COL7A1: variants seen among roughly 807,000 people sequenced by gnomAD.
COL7A1 encodes collagen type VII alpha 1 chain, also known as collagen alpha-1(VII) chain.
A neutral mutation model predicts 456.2 loss-of-function variants in COL7A1; 296 were observed. That is an observed-to-expected ratio of 0.65 (90% CI 0.59 to 0.71). The LOEUF is 0.71. COL7A1 is among the 30% of genes least tolerant of loss of function. The probability of loss-of-function intolerance (pLI) is 0.00; values close to 1 mark genes in which losing one functional copy is unlikely to be tolerated. For synonymous variants in COL7A1, 1,464 were observed against 1,525.9 expected (o/e 0.96, Z 0.95); for missense variants, 3,441 against 4,017.2 (o/e 0.86, Z 3.88).
Position 48,580,853 on chromosome 3 carries a change from C to T in COL7A1, c.4980+29G>A, listed in dbSNP as rs1408839954. 3 of 1,614,076 alleles carry T rather than the reference C, an allele frequency of 1.9e-6. No individual in the cohort carries two copies. In the South Asian group the frequency reaches 3.3e-5, roughly 18 times the overall value. ...CACCTTCATGCCCACCTCCCATCAC[C>T]CCTGTTACTTCTCTCTGCCAAGACT... On this transcript the variant is annotated intron_variant, in intron 54 of 118. Coordinates refer to ENST00000681320, the MANE Select transcript of COL7A1 (RefSeq NM_000094.4). This position sits in a 1 kb window ranked among gnomAD's most constrained non-coding sequence, Gnocchi z 4.5.
In COL7A1 at chr3:48,587,415, C is replaced by G. The variant is rs1182688756; in HGVS notation, c.2992+5G>C. Reference sequence around the variant, plus strand: ...AGCCCACCCAAATCCTGGCCTCCCCCTCACCCTGGCCAGGGCCTCTGAGTG... The same window carrying G: ...AGCCCACCCAAATCCTGGCCTCCCCGTCACCCTGGCCAGGGCCTCTGAGTG... On this transcript the variant is annotated splice_donor_5th_base_variant and intron_variant, in intron 23 of 118. Coordinates refer to ENST00000681320, the MANE Select transcript of COL7A1 (RefSeq NM_000094.4). The surrounding 1 kb of genome is among the most constrained non-coding windows in gnomAD (Gnocchi z 6.1). The G allele has an allele frequency of 3.1e-6, 5 of 1,613,246 alleles. No homozygotes were observed. Among genetic ancestry groups the G allele is most frequent in the Non-Finnish European group, 4.2e-6 (5 of 1,180,020 alleles).
chr3:48,580,169 G>GC lies in COL7A1; in HGVS notation c.5098-113dup, dbSNP rs1375399638. On this transcript the variant is annotated intron_variant, in intron 56 of 118. Coordinates refer to ENST00000681320, the MANE Select transcript of COL7A1 (RefSeq NM_000094.4). This position sits in a 1 kb window ranked among gnomAD's most constrained non-coding sequence, Gnocchi z 4.5. ...AGTTCCCCGAAGCACCCCAATGCCA[G>GC]CCCCCAGCAGGCATGGGTGGCCATC... is the stretch of plus-strand genomic sequence containing the variant. 3.2e-6 allele frequency: 5 copies of GC among 1,539,398 alleles called. No homozygotes were observed. In the Admixed American group the frequency reaches 7.3e-5, roughly 22 times the overall value.
In COL7A1 at chr3:48,568,172, T is replaced by TA; in HGVS notation, c.7795-3dup. The stretch of plus-strand genomic sequence containing the variant: ...CACTCCATCCTTTCCTGGGGATCCC[T>TA]AGCAGGGAGAGGGTCCATGTGAGGT... On this transcript the variant is annotated splice_region_variant and splice_polypyrimidine_tract_variant and intron_variant, in intron 105 of 118. Coordinates refer to ENST00000681320, the MANE Select transcript of COL7A1 (RefSeq NM_000094.4). This position sits in a 1 kb window ranked among gnomAD's most constrained non-coding sequence, Gnocchi z 5.2. The TA allele has an allele frequency of 6.2e-7, 1 of 1,612,946 alleles. No homozygotes were observed. Among genetic ancestry groups the TA allele is most frequent in the Non-Finnish European group, 8.5e-7 (1 of 1,179,990 alleles).
At position 48,593,322 on chromosome 3, in the gene COL7A1, C is replaced by T. The variant is rs772089296; in HGVS notation, c.520+34G>A. On this transcript the variant is annotated intron_variant, in intron 5 of 118. Transcript: ENST00000681320. This position sits in a 1 kb window ranked among gnomAD's most constrained non-coding sequence, Gnocchi z 4.4. ...ACATGCTCTCTGACTGCCCCCACCC[C>T]CCAGCTGACCTGTCACTCCTGCTCG... The T allele has an allele frequency of 2.5e-6, 4 of 1,614,034 alleles. No individual in the cohort carries two copies. The Admixed American group carries it at 5.0e-5, about 20-fold the overall frequency.
In COL7A1 at chr3:48,583,795, G is replaced by C; in HGVS notation, c.4279-15C>G. 2 of 1,613,806 alleles carry C rather than the reference G, an allele frequency of 1.2e-6. No homozygotes were observed. Among genetic ancestry groups the C allele is most frequent in the South Asian group, 2.2e-5 (2 of 91,080 alleles). ...CCGGGAAGACCCTAGGAAGAAGTGAGTAAAAATATGAGCCAAGAACTATGA... is the reference window on the plus strand; with the variant it reads ...CCGGGAAGACCCTAGGAAGAAGTGACTAAAAATATGAGCCAAGAACTATGA... On this transcript the variant is annotated splice_polypyrimidine_tract_variant and intron_variant, in intron 39 of 118. Coordinates refer to ENST00000681320, the MANE Select transcript of COL7A1 (RefSeq NM_000094.4). The surrounding 1 kb of genome is among the most constrained non-coding windows in gnomAD (Gnocchi z 5.1).
chr3:48,564,638 TG>T lies in COL7A1; in HGVS notation c.8818+144del. On this transcript the variant is annotated intron_variant, in intron 118 of 118. Transcript: ENST00000681320. This position sits in a 1 kb window ranked among gnomAD's most constrained non-coding sequence, Gnocchi z 6.0. Reference sequence around the variant, plus strand: ...GGGCTCTATATTCAGCTCTTTGGTCTGGGCGTCTGCCCCAGGTCCCCTACTG... The same window carrying T: ...GGGCTCTATATTCAGCTCTTTGGTCTGGCGTCTGCCCCAGGTCCCCTACTG... 1.8e-6 allele frequency: 2 copies of T among 1,087,400 alleles called. No individual in the cohort carries two copies. The highest frequency in any genetic ancestry group is 2.7e-6 in the Non-Finnish European group (2 of 752,566). The allele number at this position is 1,087,400 out of a possible 1,614,324, so 67.4% of individuals were successfully genotyped here. A position where few individuals can be genotyped will look rare whatever the true frequency, so the allele number is the denominator to read the frequency against.
Position 48,572,997 on chromosome 3 carries a change from C to T in COL7A1, c.6750+24G>A. The T allele has an allele frequency of 6.2e-7, 1 of 1,614,012 alleles. No homozygotes were observed. Among genetic ancestry groups the T allele is most frequent in the Non-Finnish European group, 8.5e-7 (1 of 1,180,016 alleles). On this transcript the variant is annotated intron_variant, in intron 86 of 118. Transcript: ENST00000681320. The surrounding 1 kb of genome is among the most constrained non-coding windows in gnomAD (Gnocchi z 4.6). Reference sequence around the variant, plus strand: ...CTGTCGACCCTTGACCCCTGGAGCCCAACCCTTGACCCCCAGAACTCACCA... The same window carrying T: ...CTGTCGACCCTTGACCCCTGGAGCCTAACCCTTGACCCCCAGAACTCACCA...
At position 48,568,796 on chromosome 3, in the gene COL7A1, G is replaced by A. The variant is rs567022011; in HGVS notation, c.7746C>T (p.Leu2582=). 2.2e-5 allele frequency: 35 copies of A among 1,570,728 alleles called. No individual in the cohort carries two copies. The South Asian group carries it at 4.0e-4, about 18-fold the overall frequency. ...GSAGLPGLRG[L]LGPQGQPGAA... ...GGGCAGAACTTGCCTGGGGTCCCAG[G>A]AGTCCACGCAGTCCTGGCAACCCGG... Residue 2582 remains leucine, a synonymous_variant, in exon 104 of 119, where the codon CTC becomes CTT. Coordinates refer to ENST00000681320, the MANE Select transcript of COL7A1 (RefSeq NM_000094.4). The surrounding 1 kb of genome is among the most constrained non-coding windows in gnomAD (Gnocchi z 5.2).
rs370378194 is a variant in COL7A1, at chr3:48,567,430, G to T, written c.8046+144C>A. 1.6e-5 allele frequency: 19 copies of T among 1,207,420 alleles called. No individual in the cohort carries two copies. In the African/African-American group the frequency reaches 2.8e-4, roughly 18 times the overall value. The allele number at this position is 1,207,420 out of a possible 1,614,324, so 74.8% of individuals were successfully genotyped here. On this transcript the variant is annotated intron_variant, in intron 109 of 118. Coordinates refer to ENST00000681320, the MANE Select transcript of COL7A1 (RefSeq NM_000094.4). The surrounding 1 kb of genome is among the most constrained non-coding windows in gnomAD (Gnocchi z 4.3). ...CTCCACTGTGACCCCAACCCACCTT[G>T]ACACCTCGAGACCAGCCCCACTTCA...
In COL7A1 at chr3:48,586,252, G is replaced by T; in HGVS notation, c.3551-6C>A. 6.2e-7 allele frequency: 1 copy of T among 1,613,688 alleles called. No homozygotes were observed. The stretch of plus-strand genomic sequence containing the variant: ...CAACATCACCACATTAAGCCCTAAG[G>T]TGGGGTCCAGTGGCTGCATGATAGC... On this transcript the variant is annotated splice_region_variant and splice_polypyrimidine_tract_variant and intron_variant, in intron 27 of 118. Coordinates refer to ENST00000681320, the MANE Select transcript of COL7A1 (RefSeq NM_000094.4). The surrounding 1 kb of genome is among the most constrained non-coding windows in gnomAD (Gnocchi z 5.1).
In COL7A1 at chr3:48,572,071, G is replaced by T. The variant is rs765253046; in HGVS notation, c.7024-26C>A. On this transcript the variant is annotated intron_variant, in intron 91 of 118. Coordinates refer to ENST00000681320, the MANE Select transcript of COL7A1 (RefSeq NM_000094.4). The surrounding 1 kb of genome is among the most constrained non-coding windows in gnomAD (Gnocchi z 4.6). ...CTGCACAGAATGGCAGGTGAGGGGT[G>T]TCTGGACTGAGCCTTCTCTGCTCAG... 6.2e-7 allele frequency: 1 copy of T among 1,612,826 alleles called. No homozygotes were observed. The highest frequency in any genetic ancestry group is 1.1e-5 in the South Asian group (1 of 90,872).
At position 48,565,515 on chromosome 3, in the gene COL7A1, G is replaced by A. The variant is rs1341286906; in HGVS notation, c.8441-19C>T. The A allele has an allele frequency of 3.7e-6, 6 of 1,613,636 alleles. No individual in the cohort carries two copies. The highest frequency in any genetic ancestry group is 1.7e-5 in the Admixed American group (1 of 59,964). ...AGGGGTCCTGGAGCCAAGAGCAGGG[G>A]CCTCAGGGCCCTGAAGTCACCATGG... On this transcript the variant is annotated intron_variant, in intron 115 of 118. Coordinates refer to ENST00000681320, the MANE Select transcript of COL7A1 (RefSeq NM_000094.4). This position sits in a 1 kb window ranked among gnomAD's most constrained non-coding sequence, Gnocchi z 4.5.
Position 48,568,015 on chromosome 3 carries a change from T to G in COL7A1, c.7875+75A>C, listed in dbSNP as rs2107636937. 13 of 1,604,380 alleles carry G rather than the reference T, an allele frequency of 8.1e-6. 1 individual carries two copies. The South Asian group carries it at 1.3e-4, about 16-fold the overall frequency. On this transcript the variant is annotated intron_variant, in intron 106 of 118. Transcript: ENST00000681320. This position sits in a 1 kb window ranked among gnomAD's most constrained non-coding sequence, Gnocchi z 5.2. The stretch of plus-strand genomic sequence containing the variant: ...CAACCTCTGACCCAGTGCCCTAATA[T>G]CTGACCCCAGGTCCCTCGCCCTTCA...
chr3:48,593,158 G>T lies in COL7A1; in HGVS notation c.626C>A (p.Pro209His). The T allele has an allele frequency of 6.2e-7, 1 of 1,614,124 alleles. No individual in the cohort carries two copies. Among genetic ancestry groups the T allele is most frequent in the Non-Finnish European group, 8.5e-7 (1 of 1,180,030 alleles). ...CGTGCACACTCTCCGGGAAACGAGG[G>T]GCAGTAGTGTCCTCAAGATGCTGAA... ...NDFSILRTLLPLVSRRVCTTA... is the reference protein window; with the variant it reads ...NDFSILRTLLHLVSRRVCTTA... The change falls in exon 6 of 119, where the codon CCC (proline) becomes CAC (histidine). Residue 209 changes from proline to histidine, a missense_variant. Around this residue, in one of 3 missense-constraint regions of COL7A1, gnomAD observed 913 missense variants for 1,088.2 expected, o/e 0.84. Coordinates refer to ENST00000681320, the MANE Select transcript of COL7A1 (RefSeq NM_000094.4). This position sits in a 1 kb window ranked among gnomAD's most constrained non-coding sequence, Gnocchi z 4.4.
At position 48,571,435 on chromosome 3, in the gene COL7A1, G is replaced by T; in HGVS notation, c.7069-157C>A. ...AATTGGCTCACAGGAGCTCAGACAT[G>T]ACCATGGCCTATCTCAGGACAGCAC... is the stretch of plus-strand genomic sequence containing the variant. On this transcript the variant is annotated intron_variant, in intron 92 of 118. Coordinates refer to ENST00000681320, the MANE Select transcript of COL7A1 (RefSeq NM_000094.4). This position sits in a 1 kb window ranked among gnomAD's most constrained non-coding sequence, Gnocchi z 4.6. 1 of 863,124 alleles carries T rather than the reference G, an allele frequency of 1.2e-6. No homozygotes were observed. The highest frequency in any genetic ancestry group is 1.9e-6 in the Non-Finnish European group (1 of 518,562). 53.5% of individuals were successfully genotyped at this position (863,124 alleles called of 1,614,324 possible). A position where few individuals can be genotyped will look rare whatever the true frequency, so the allele number is the denominator to read the frequency against.
chr3:48,588,796 G>A lies in COL7A1; in HGVS notation c.2441-8C>T. The stretch of plus-strand genomic sequence containing the variant: ...GGTGCCTCATGGGGCCGCCTGGCCA[G>A]GTGGGCATACAGCAATGGTTAGGGG... On this transcript the variant is annotated splice_region_variant and splice_polypyrimidine_tract_variant and intron_variant, in intron 19 of 118. Coordinates refer to ENST00000681320, the MANE Select transcript of COL7A1 (RefSeq NM_000094.4). This position sits in a 1 kb window ranked among gnomAD's most constrained non-coding sequence, Gnocchi z 4.6. The A allele has an allele frequency of 5.0e-6, 8 of 1,613,784 alleles. No individual in the cohort carries two copies. The highest frequency in any genetic ancestry group is 6.8e-6 in the Non-Finnish European group (8 of 1,180,044).
In COL7A1 at chr3:48,592,124, G is replaced by A. The variant is rs2045747371; in HGVS notation, c.1218C>T (p.Ala406=). Residue 406 remains alanine, a synonymous_variant, in exon 10 of 119, where the codon GCC becomes GCT. Transcript: ENST00000681320. The surrounding 1 kb of genome is among the most constrained non-coding windows in gnomAD (Gnocchi z 7.6). ...STLFGRSVGP[A]TSLMARTDAS... Reference sequence around the variant, plus strand: ...CACCAGTGCGAGCCATCAGGGAAGTGGCGGGCCCCACACTGCGGCCAAATA... The same window carrying A: ...CACCAGTGCGAGCCATCAGGGAAGTAGCGGGCCCCACACTGCGGCCAAATA... 6.2e-7 allele frequency: 1 copy of A among 1,613,992 alleles called. No individual in the cohort carries two copies. The highest frequency in any genetic ancestry group is 8.5e-7 in the Non-Finnish European group (1 of 1,180,010).
chr3:48,583,209 G>C lies in COL7A1; in HGVS notation c.4438-38C>G, dbSNP rs761310797. The C allele has an allele frequency of 6.2e-7, 1 of 1,612,402 alleles. No individual in the cohort carries two copies. The highest frequency in any genetic ancestry group is 8.5e-7 in the Non-Finnish European group (1 of 1,179,448). On this transcript the variant is annotated intron_variant, in intron 42 of 118. Transcript: ENST00000681320. The surrounding 1 kb of genome is among the most constrained non-coding windows in gnomAD (Gnocchi z 5.1). ...GGTGAGAGAAAGACAGAGAGAGAGA[G>C]GGTTGGTGGCGGGGCTTGAACGTCA...
Position 48,578,921 on chromosome 3 carries a change from C to T in COL7A1, c.5422G>A (p.Asp1808Asn). 1 of 1,613,928 alleles carries T rather than the reference C, an allele frequency of 6.2e-7. No individual in the cohort carries two copies. Among genetic ancestry groups the T allele is most frequent in the Non-Finnish European group, 8.5e-7 (1 of 1,179,948 alleles). The change falls in exon 63 of 119, where the codon GAC becomes AAC. Residue 1808 changes from aspartate to asparagine, a missense_variant and splice_region_variant. By Grantham distance (23) the Asp-to-Asn change is conservative. Coordinates refer to ENST00000681320, the MANE Select transcript of COL7A1 (RefSeq NM_000094.4). This position sits in a 1 kb window ranked among gnomAD's most constrained non-coding sequence, Gnocchi z 4.7. ...AAGKAGDPGRDGLPGLRGEQG... is the reference protein window; with the variant it reads ...AAGKAGDPGRNGLPGLRGEQG... ...TCCCAGCATCTCCCCTCACTTACGT[C>T]TCTCCCTGGGTCCCCAGCTTTGCCT...
Sources: allele counts gnomAD v4.1 joint callset, GRCh38; gene constraint gnomAD v4.1.1; regional missense constraint gnomAD v4.1.1; non-coding constraint Gnocchi (gnomAD v3.1); transcripts MANE v1.5; gene names NCBI Gene and HGNC (gene_info 2026-07-23, HGNC 2026-07-21).